TMEM132D: variants seen among roughly 807,000 people sequenced by gnomAD.
TMEM132D encodes transmembrane protein 132D, also known as mature OL transmembrane protein.
A neutral mutation model predicts 62.3 loss-of-function variants in TMEM132D; 21 were observed. The ratio of observed to expected loss-of-function variants is 0.34; its 90% CI spans 0.24 to 0.49. The LOEUF is 0.49. TMEM132D is among the 20% of genes least tolerant of loss of function. TMEM132D has a pLI of 0.99. For synonymous variants in TMEM132D, 621 were observed against 575.6 expected, an observed-to-expected ratio of 1.08 and a Z score of -1.13; for missense variants, 1,346 against 1,402.8, an observed-to-expected ratio of 0.96 and a Z score of 0.65.
chr12:129,337,947 A>G (rs537838353), intron 3 of TMEM132D, 130 bp from the exon 4 acceptor site: 1 of 926,670 alleles, frequency 1.1e-6, no homozygotes, highest in African/African-American at 1.7e-5. Context: ...ACATCTCTGC[A>G]AAGAGCATTC....
intron 2 of TMEM132D, among the ~76,000 whole-genome samples, chr12:129,608,573 A>G (rs1307166907): frequency 1.3e-5 from 2 of 152,290 alleles, no homozygotes; most frequent in South Asian, 2.1e-4. Context: ...ACCTCTAAGC[A>G]TTCTCCTTGA....
chr12:129,074,525 C>A lies in TMEM132D; in HGVS notation c.2650G>T (p.Asp884Tyr). 1 of 1,614,046 alleles carries A rather than the reference C, an allele frequency of 6.2e-7. No individual in the cohort carries two copies. Among genetic ancestry groups the A allele is most frequent in the Non-Finnish European group, 8.5e-7 (1 of 1,180,030 alleles). The change falls in exon 9 of 9, where the codon GAC becomes TAC. Residue 884 changes from aspartate (D) to tyrosine (Y), a missense_variant. By Grantham distance (160) the Asp-to-Tyr change is radical. Coordinates refer to ENST00000422113, the MANE Select transcript of TMEM132D (RefSeq NM_133448.3). ...ACCTGGGCTGGGAAGCTGGTGAGGT[C>A]GCTGGGGATGGTCTGCAAGTGGCTG... Reference protein sequence around the residue: ...DNSHLQTIPSDLTSFPAQVDL... With the variant: ...DNSHLQTIPSYLTSFPAQVDL...
intron 1 of TMEM132D, among the ~76,000 whole-genome samples, chr12:129,877,701 G>A (rs540581267): frequency 1.3e-5 from 2 of 152,102 alleles, no homozygotes; most frequent in East Asian, 3.9e-4. Flanking sequence ...AGAGCTCTTA[G>A]GCAGTGATGA....
intron 1 of TMEM132D, among the ~76,000 whole-genome samples, chr12:129,890,655 C>T (rs1349827666): frequency 6.6e-6 from 1 of 152,220 alleles, no homozygotes; most frequent in Non-Finnish European, 1.5e-5. Context: ...ATCACGCAAT[C>T]AGCGAATTCT....
intron 2 of TMEM132D, among the ~76,000 whole-genome samples, chr12:129,644,594 TACA>T (rs1205162979): frequency 2.6e-5 from 4 of 152,104 alleles, no homozygotes; most frequent in Non-Finnish European, 5.9e-5. Context: ...ACAGTGCCGT[TACA>T]ACAATAAGAG....
rs1269029625 is a variant in TMEM132D at position 129,644,122 on chromosome 12, GGGA to G, written c.968+55685_968+55687del. Among the ~76,000 whole-genome samples, 4 of 152,058 alleles carry G rather than the reference GGGA, an allele frequency of 2.6e-5. No homozygotes were observed. The East Asian group carries it at 7.7e-4, about 29-fold the overall frequency. On this transcript the variant is annotated intron_variant, in intron 2 of 8. Coordinates refer to ENST00000422113, the MANE Select transcript of TMEM132D (RefSeq NM_133448.3). ...CCCGCCTCAGCCTCCCAAAGTGCTG[GGGA>G]ACCTATGTACTTCTTACACATATTG... is the stretch of plus-strand genomic sequence containing the variant.
Position 129,345,382 on chromosome 12 carries a change from G to A in TMEM132D, c.1116-7565C>T, listed in dbSNP as rs955833576. 2.0e-5 allele frequency among the ~76,000 whole-genome samples: 3 copies of A among 152,084 alleles called. 1 individual carries two copies. The highest frequency in any genetic ancestry group is 4.4e-5 in the Non-Finnish European group (3 of 68,024). ...TTTCAGCATCACCTGCTTCCTTCAT[G>A]GGAACCACAGCATCGATTCCAAAGA... On this transcript the variant is annotated intron_variant, in intron 3 of 8. Coordinates refer to ENST00000422113, the MANE Select transcript of TMEM132D (RefSeq NM_133448.3).
chr12:129,893,528 C>A (rs113530130), intron 1 of TMEM132D, among the ~76,000 whole-genome samples: 2,263 of 151,996 alleles, frequency 0.015, 54 homozygotes, highest in African/African-American at 0.051. Flanking sequence ...ACAGACATCT[C>A]TGTAGTTAAA....
In TMEM132D at chr12:129,855,168, A is replaced by G. The variant is rs71466426; in HGVS notation, c.79+48093T>C. Among the ~76,000 whole-genome samples the G allele has an allele frequency of 1.1e-3, 88 of 80,690 alleles. 1 individual carries two copies. The highest frequency in any genetic ancestry group is 3.1e-3 in the African/African-American group (62 of 19,882). The allele number at this position is 80,690 out of a possible 152,430, so 52.9% of individuals were successfully genotyped here. A position where few individuals can be genotyped will look rare whatever the true frequency, so the allele number is the denominator to read the frequency against. ...GGAACGGGATGGGTGCCCTTATAAC[A>G]GAGTCCGGGGGAACGGGATGGCTGC... is the stretch of plus-strand genomic sequence containing the variant. On this transcript the variant is annotated intron_variant, in intron 1 of 8. Transcript: ENST00000422113.
At chr12:129,878,093 C>T (rs7958818) in intron 1 of TMEM132D, among the ~76,000 whole-genome samples, 3,186 of 152,236 alleles carry the variant, frequency 0.021, 117 homozygotes, top group African/African-American at 0.073. Flanking sequence ...TTTTTGAAAA[C>T]GGATTTATTT....
chr12:129,725,776 AG>A, intron 1 of TMEM132D, among the ~76,000 whole-genome samples: 1 of 152,360 alleles, frequency 6.6e-6, no homozygotes, highest in East Asian at 1.9e-4. Context: ...AAGTTAACAC[AG>A]CAGACCAGAG....
At chr12:129,892,020 A>T (rs1222108885) in intron 1 of TMEM132D, among the ~76,000 whole-genome samples, 3 of 152,222 alleles carry the variant, frequency 2.0e-5, no homozygotes, top group Non-Finnish European at 4.4e-5. Context: ...CAATGGGATA[A>T]ATTAAGAAGG....
intron 2 of TMEM132D, 131 bp from the exon 3 acceptor site, chr12:129,531,336 A>C: frequency 8.8e-7 from 1 of 1,140,274 alleles, no homozygotes; most frequent in Non-Finnish European, 1.2e-6. Context: ...ACTAGGATTT[A>C]AACACAAATT....
At chr12:129,482,290 A>T (rs939045034) in intron 3 of TMEM132D, among the ~76,000 whole-genome samples, 1 of 152,234 alleles carries the variant, frequency 6.6e-6, no homozygotes, top group Non-Finnish European at 1.5e-5. Flanking sequence ...GAACGGTTGA[A>T]TTAACTGTGG....
chr12:129,323,084 T>A (rs1330706026), intron 4 of TMEM132D, among the ~76,000 whole-genome samples: 4 of 152,298 alleles, frequency 2.6e-5, no homozygotes, highest in East Asian at 3.9e-4. Context: ...GAAAAATAAG[T>A]TCTGTAAAAA....
At chr12:129,600,733 G>C (rs1034417324) in intron 2 of TMEM132D, among the ~76,000 whole-genome samples, 2 of 152,186 alleles carry the variant, frequency 1.3e-5, no homozygotes, top group African/African-American at 4.8e-5. Context: ...ATTGTTAAAG[G>C]CATCTTTTTT....
chr12:129,717,849 C>G (rs7315522), intron 1 of TMEM132D, among the ~76,000 whole-genome samples: 2 of 152,082 alleles, frequency 1.3e-5, no homozygotes, highest in African/African-American at 4.8e-5. Flanking sequence ...CTGTCATGTA[C>G]GGTTGTTCAA....
intron 3 of TMEM132D, among the ~76,000 whole-genome samples, chr12:129,529,218 G>T (rs1190324474): frequency 1.3e-5 from 2 of 152,184 alleles, no homozygotes; most frequent in African/African-American, 4.8e-5. Context: ...ATAAGGAATG[G>T]TCTTCACTTA....
chr12:129,350,622 G>A (rs1001262390), intron 3 of TMEM132D, among the ~76,000 whole-genome samples: 1 of 152,168 alleles, frequency 6.6e-6, no homozygotes, highest in African/African-American at 2.4e-5. Context: ...TTACTGAGTG[G>A]GCCCAGACTT....
Sources: gnomAD v4.1 joint callset for allele counts (sites outside exome capture counted in the v4.1 genomes callset) on GRCh38, gnomAD v4.1.1 for gene constraint, MANE v1.5 for transcripts, NCBI Gene and HGNC (gene_info 2026-07-23, HGNC 2026-07-21) for gene names.